PRKG1: variants seen among roughly 807,000 people sequenced by gnomAD.
PRKG1 encodes cGMP-dependent protein kinase 1.
In PRKG1, 35 loss-of-function variants were observed where a neutral mutation model predicts 88.1. The observed-to-expected ratio is 0.40, with a 90% CI of 0.30 to 0.53. PRKG1 has a LOEUF of 0.53. Ranked by LOEUF, PRKG1 falls within the 20% of genes least tolerant of loss-of-function variation. The probability of loss-of-function intolerance (pLI) is 0.59; values close to 1 mark genes in which losing one functional copy is unlikely to be tolerated. For missense variants in PRKG1, 540 were observed against 839.8 expected (o/e 0.64, Z 4.41); for synonymous variants, 303 against 292.5 (o/e 1.04, Z -0.37).
chr10:51,622,783 A>T (rs1202475453), intron 3 of PRKG1, among the ~76,000 whole-genome samples: 1 of 152,210 alleles, frequency 6.6e-6, no homozygotes, highest in African/African-American at 2.4e-5. Flanking sequence ...AGACTTTGTC[A>T]GAAAGCCAAT....
At chr10:51,558,351 A>G (rs1837366886) in intron 3 of PRKG1, among the ~76,000 whole-genome samples, 2 of 152,134 alleles carry the variant, frequency 1.3e-5, no homozygotes, top group Admixed American at 1.3e-4. Context: ...AGAAAAATTA[A>G]GTCACAAATG....
chr10:51,241,795 C>T (rs1414932980), intron 2 of PRKG1, among the ~76,000 whole-genome samples: 5 of 152,064 alleles, frequency 3.3e-5, no homozygotes, highest in Admixed American at 3.3e-4. Flanking sequence ...CTGTGCTGTC[C>T]TTAAACCTGA....
chr10:51,223,595 C>T (rs1838610270), intron 2 of PRKG1, among the ~76,000 whole-genome samples: 1 of 152,030 alleles, frequency 6.6e-6, no homozygotes, highest in Admixed American at 6.5e-5. Flanking sequence ...AATATCTTAC[C>T]ACATAAGATG....
At position 51,185,076 on chromosome 10, in the gene PRKG1, C is replaced by A. The variant is rs1476332216; in HGVS notation, c.478+31746C>A. 4.6e-5 allele frequency among the ~76,000 whole-genome samples: 7 copies of A among 152,194 alleles called. No homozygotes were observed. In the South Asian group the frequency reaches 8.3e-4, roughly 18 times the overall value. ...CTCACATCATCAAGTGGAGATTTGA[C>A]CAATATTTAGCTTATTTTATCATTA... On this transcript the variant is annotated intron_variant, in intron 2 of 17. Coordinates refer to ENST00000373980, the MANE Select transcript of PRKG1 (RefSeq NM_006258.4).
chr10:51,293,108 T>C (rs553666846), intron 2 of PRKG1, among the ~76,000 whole-genome samples: 11 of 152,114 alleles, frequency 7.2e-5, no homozygotes, highest in Non-Finnish European at 1.6e-4. Flanking sequence ...ATTATACAAC[T>C]TGAAGTTTTG....
chr10:52,282,804 GA>G (rs1456141276), intron 14 of PRKG1, among the ~76,000 whole-genome samples: 44 of 152,110 alleles, frequency 2.9e-4, no homozygotes, highest in Admixed American at 2.0e-3. Flanking sequence ...CAAACTTTAA[GA>G]TCCTCAAGGA....
rs75532921 is a variant in PRKG1 at position 52,277,320 on chromosome 10, CAG to C, written c.1404-3464_1404-3463del. On this transcript the variant is annotated intron_variant, in intron 12 of 17. Coordinates refer to ENST00000373980, the MANE Select transcript of PRKG1 (RefSeq NM_006258.4). ...TTGGCAGTCAGAAGCACTTAAATAA[CAG>C]AGAGGATTGGTGTTCCAAACCCCCA... 6.9e-3 allele frequency among the ~76,000 whole-genome samples: 1,046 copies of C among 152,224 alleles called. 6 individuals are homozygous for C. The highest frequency in any genetic ancestry group is 0.01 in the Middle Eastern group (3 of 294).
chr10:51,281,078 A>T (rs1367655767), intron 2 of PRKG1, among the ~76,000 whole-genome samples: 1 of 152,096 alleles, frequency 6.6e-6, no homozygotes, highest in East Asian at 1.9e-4. Flanking sequence ...TTTTCCTTCT[A>T]ACAGTCAGGA....
Position 52,038,408 on chromosome 10 carries a change from G to A in PRKG1, c.763-16076G>A, listed in dbSNP as rs550606977. On this transcript the variant is annotated intron_variant, in intron 5 of 17. Coordinates refer to ENST00000373980, the MANE Select transcript of PRKG1 (RefSeq NM_006258.4). ...GCACAGAAATAAGGGGTAGGGGCAC[G>A]GAAATAAGGGGTCGAGCATGGAAAT... 4.3e-4 allele frequency among the ~76,000 whole-genome samples: 66 copies of A among 151,894 alleles called. No individual in the cohort carries two copies. In the South Asian group the frequency reaches 5.4e-3, roughly 12 times the overall value.
In PRKG1 at chr10:51,270,784, C is replaced by A. The variant is rs185443205; in HGVS notation, c.478+117454C>A. 2.9e-3 allele frequency among the ~76,000 whole-genome samples: 442 copies of A among 152,286 alleles called. 2 individuals carry two copies. Among genetic ancestry groups the A allele is most frequent in the African/African-American group, 0.01 (427 of 41,552 alleles). On this transcript the variant is annotated intron_variant, in intron 2 of 17. Coordinates refer to ENST00000373980, the MANE Select transcript of PRKG1 (RefSeq NM_006258.4). ...TGGTTGGTGTCCACAACCCTCCACTCCCTAGTTGTCATGAAACTGAGAAAA... is the reference window on the plus strand; with the variant it reads ...TGGTTGGTGTCCACAACCCTCCACTACCTAGTTGTCATGAAACTGAGAAAA...
intron 5 of PRKG1, among the ~76,000 whole-genome samples, chr10:51,956,209 G>A (rs867170813): frequency 2.0e-5 from 3 of 151,788 alleles, no homozygotes; most frequent in African/African-American, 4.8e-5. Context: ...TATTTTGTTG[G>A]TATTTTTGTT....
intron 2 of PRKG1, among the ~76,000 whole-genome samples, chr10:51,354,419 C>T (rs1842320540): frequency 6.6e-6 from 1 of 151,946 alleles, no homozygotes; most frequent in African/African-American, 2.4e-5. Context: ...ATATCATGTA[C>T]CTTATAAACA....
At chr10:51,397,991 C>T (rs948877187) in intron 2 of PRKG1, among the ~76,000 whole-genome samples, 1 of 152,166 alleles carries the variant, frequency 6.6e-6, no homozygotes, top group Non-Finnish European at 1.5e-5. Context: ...AATGATAGCC[C>T]TTGAATGTGT....
intron 3 of PRKG1, among the ~76,000 whole-genome samples, chr10:51,735,634 A>G (rs1007392385): frequency 6.6e-6 from 1 of 152,108 alleles, no homozygotes; most frequent in African/African-American, 2.4e-5. Flanking sequence ...ATAAAATGGC[A>G]TAAATTTGCC....
intron 7 of PRKG1, among the ~76,000 whole-genome samples, chr10:52,084,318 C>T (rs1368317453): frequency 6.6e-6 from 1 of 151,988 alleles, no homozygotes; most frequent in Non-Finnish European, 1.5e-5. Context: ...AAAGTTTTTG[C>T]AGTTTCAAAT....
At chr10:52,141,337 A>G (rs1837576197) in intron 8 of PRKG1, among the ~76,000 whole-genome samples, 1 of 152,188 alleles carries the variant, frequency 6.6e-6, no homozygotes, top group Non-Finnish European at 1.5e-5. Flanking sequence ...TTTGTGGTTT[A>G]AAGTCATGGA....
chr10:51,315,603 A>AT (rs1841298638), intron 2 of PRKG1, among the ~76,000 whole-genome samples: 1 of 152,222 alleles, frequency 6.6e-6, no homozygotes, highest in African/African-American at 2.4e-5. Flanking sequence ...CCTTATAAGC[A>AT]ATCCTGTAGG....
intron 2 of PRKG1, among the ~76,000 whole-genome samples, chr10:51,419,339 T>C (rs1838340631): frequency 6.6e-6 from 1 of 152,166 alleles, no homozygotes; most frequent in Admixed American, 6.6e-5. Context: ...GAATCTTATG[T>C]AAAAGAATTG....
intron 2 of PRKG1, among the ~76,000 whole-genome samples, chr10:51,213,469 T>TA (rs113937123): frequency 0.018 from 2,806 of 151,960 alleles, 42 homozygotes; most frequent in Middle Eastern, 0.054. Flanking sequence ...AGTATAATAA[T>TA]AAAAAAAATG....
Sources: allele counts gnomAD v4.1 joint callset (sites outside exome capture counted in the v4.1 genomes callset), GRCh38; gene constraint gnomAD v4.1.1; transcripts MANE v1.5; gene names NCBI Gene and HGNC (gene_info 2026-07-23, HGNC 2026-07-21).